The following OPCML variants were observed in gnomAD, a reference collection of about 807,000 sequenced individuals.
The protein encoded by OPCML is opioid binding protein/cell adhesion molecule like, also known as opioid-binding protein/cell adhesion molecule.
A neutral mutation model predicts 37.8 loss-of-function variants in OPCML; 13 were observed. The observed-to-expected ratio is 0.34, with a 90% CI of 0.22 to 0.55. The LOEUF (loss-of-function observed/expected upper bound fraction) is 0.55, where lower values mean the gene tolerates loss of function less well. Ranked by LOEUF, OPCML falls within the 20% of genes least tolerant of loss-of-function variation. OPCML has a pLI of 0.91. For synonymous variants in OPCML, 176 were observed against 168.8 expected (o/e 1.04, Z -0.33); for missense variants, 341 against 435.6 (o/e 0.78, Z 1.93).
intron 1 of OPCML, among the ~76,000 whole-genome samples, chr11:133,506,261 T>C (rs930156329): frequency 3.3e-5 from 5 of 152,174 alleles, no homozygotes; most frequent in African/African-American, 1.2e-4. Context: ...GCCTTAACCC[T>C]ACATTCAGTC....
chr11:132,569,771 T>C (rs976946155), intron 3 of OPCML, among the ~76,000 whole-genome samples: 1 of 152,148 alleles, frequency 6.6e-6, no homozygotes, highest in African/African-American at 2.4e-5. Context: ...GCAGATTTCT[T>C]AGCAGCAGCA....
intron 1 of OPCML, among the ~76,000 whole-genome samples, chr11:133,157,454 T>C (rs952790391): frequency 2.6e-5 from 4 of 152,166 alleles, no homozygotes; most frequent in African/African-American, 9.7e-5. Flanking sequence ...TATACCCATT[T>C]TGGGCTCTCT....
At chr11:133,004,603 G>A (rs1947071403) in intron 1 of OPCML, 6 of 985,462 alleles carry the variant, frequency 6.1e-6, no homozygotes, top group Non-Finnish European at 7.2e-6. Flanking sequence ...CGAAGGGTCT[G>A]CTCCTCTGAT....
At chr11:133,278,212 T>A (rs1592161489) in intron 1 of OPCML, among the ~76,000 whole-genome samples, 2 of 152,150 alleles carry the variant, frequency 1.3e-5, no homozygotes, top group East Asian at 3.9e-4. Context: ...CTACAGAGAG[T>A]GACACCATGA....
chr11:132,554,091 CA>C (rs1351475050), intron 3 of OPCML, among the ~76,000 whole-genome samples: 1 of 152,096 alleles, frequency 6.6e-6, no homozygotes, highest in Non-Finnish European at 1.5e-5. Context: ...GAAGTTAGAG[CA>C]AAGGAGAACA....
At chr11:132,584,490 A>G (rs1296398751) in intron 3 of OPCML, among the ~76,000 whole-genome samples, 1 of 152,202 alleles carries the variant, frequency 6.6e-6, no homozygotes, top group Non-Finnish European at 1.5e-5. Context: ...ATGAGTTAAT[A>G]CTTTTATTTA....
chr11:132,901,583 A>G (rs1303136243), intron 2 of OPCML, among the ~76,000 whole-genome samples: 1 of 152,168 alleles, frequency 6.6e-6, no homozygotes, highest in Non-Finnish European at 1.5e-5. Flanking sequence ...ATGGCTCAAA[A>G]TAAGGGCAAC....
intron 3 of OPCML, among the ~76,000 whole-genome samples, chr11:132,652,349 A>AACACACACACACACACACAC (rs5795793): frequency 1.6e-3 from 227 of 142,624 alleles, no homozygotes; most frequent in African/African-American, 5.6e-3. Flanking sequence ...AAGAATGACA[A>AACACACACACACACACACAC]ACACACACAC....
At chr11:133,193,603 C>G (rs1005394542) in intron 1 of OPCML, among the ~76,000 whole-genome samples, 1 of 152,142 alleles carries the variant, frequency 6.6e-6, no homozygotes, top group Non-Finnish European at 1.5e-5. Context: ...ATGATAAACA[C>G]CTGCTCCTTT....
chr11:132,452,497 ACTTC>A (rs575180796), intron 4 of OPCML, among the ~76,000 whole-genome samples: 1,756 of 96,782 alleles, frequency 0.018, 19 homozygotes, highest in Middle Eastern at 0.03. Context: ...TCCCTTCCTC[ACTTC>A]CTTCCTTCCT....
intron 2 of OPCML, among the ~76,000 whole-genome samples, chr11:132,764,905 C>T (rs142526755): frequency 3.3e-3 from 499 of 152,362 alleles, no homozygotes; most frequent in Non-Finnish European, 5.9e-3. Context: ...TGTTTCATTG[C>T]TCTACCAGGG....
At chr11:132,894,079 TATA>T (rs762184890) in intron 2 of OPCML, among the ~76,000 whole-genome samples, 17 of 152,194 alleles carry the variant, frequency 1.1e-4, no homozygotes, top group Admixed American at 9.2e-4. Context: ...TTGTAAGAAT[TATA>T]ATGTTTGCCT....
At chr11:132,708,622 G>C (rs1377222080) in intron 2 of OPCML, among the ~76,000 whole-genome samples, 2 of 152,198 alleles carry the variant, frequency 1.3e-5, no homozygotes, top group African/African-American at 4.8e-5. Flanking sequence ...TGTCATTAGA[G>C]TATAAGTGAT....
chr11:132,973,889 C>A (rs943238650), intron 1 of OPCML, among the ~76,000 whole-genome samples: 66 of 147,274 alleles, frequency 4.5e-4, no homozygotes, highest in Admixed American at 1.9e-3. Context: ...CTACCCCTTA[C>A]CAAGCATAGA....
At position 133,009,727 on chromosome 11, in the gene OPCML, C is replaced by A. The variant is rs540445528; in HGVS notation, c.62-66717G>T. On this transcript the variant is annotated intron_variant, in intron 1 of 7. Transcript: ENST00000524381. Reference sequence around the variant, plus strand: ...CTAGGTCCCTCACATGCGTAATTCACAGCAGGGTTTGTGCTCCTATGAGAA... The same window carrying A: ...CTAGGTCCCTCACATGCGTAATTCAAAGCAGGGTTTGTGCTCCTATGAGAA... Among the ~76,000 whole-genome samples, 520 of 152,308 alleles carry A rather than the reference C, an allele frequency of 3.4e-3. 3 individuals are homozygous for A. Among genetic ancestry groups the A allele is most frequent in the South Asian group, 0.014 (66 of 4,824 alleles).
chr11:133,161,135 C>T (rs1950136310), intron 1 of OPCML, among the ~76,000 whole-genome samples: 1 of 152,226 alleles, frequency 6.6e-6, no homozygotes, highest in South Asian at 2.1e-4. Flanking sequence ...CCAGGGCACA[C>T]CTTTGACTGT....
chr11:132,451,660 T>C (rs2096068660), intron 4 of OPCML, among the ~76,000 whole-genome samples: 1 of 152,202 alleles, frequency 6.6e-6, no homozygotes, highest in Non-Finnish European at 1.5e-5. Context: ...GGTGCGGCTC[T>C]GTTGCTGCCC....
rs143468517 is a variant in OPCML, at chr11:133,162,760, T to C, written c.62-219750A>G. Reference sequence around the variant, plus strand: ...GCGTGTTTCCCCTTCTGCTACGGGCTTCAGCTGCTCCATGCATACACGGTT... The same window carrying C: ...GCGTGTTTCCCCTTCTGCTACGGGCCTCAGCTGCTCCATGCATACACGGTT... On this transcript the variant is annotated intron_variant, in intron 1 of 7. Transcript: ENST00000524381. 7.0e-4 allele frequency among the ~76,000 whole-genome samples: 107 copies of C among 152,364 alleles called. 1 individual carries two copies. Among genetic ancestry groups the C allele is most frequent in the African/African-American group, 2.5e-3 (104 of 41,594 alleles).
chr11:132,662,016 A>C (rs1565756265), intron 2 of OPCML, among the ~76,000 whole-genome samples: 1 of 152,238 alleles, frequency 6.6e-6, no homozygotes, highest in Non-Finnish European at 1.5e-5. Flanking sequence ...TGCCTGACAG[A>C]CATCAGAAGG....
Sources: allele counts gnomAD v4.1 joint callset (sites outside exome capture counted in the v4.1 genomes callset), GRCh38; gene constraint gnomAD v4.1.1; transcripts MANE v1.5; gene names NCBI Gene and HGNC (gene_info 2026-07-23, HGNC 2026-07-21).